The following VANGL1 variants were observed in gnomAD, a reference collection of about 807,000 sequenced individuals.
VANGL1 encodes VANGL planar cell polarity protein 1.
Under a neutral mutation model 48.4 loss-of-function variants are expected in VANGL1, and 18 were observed. That is an observed-to-expected ratio of 0.37 (90% confidence interval 0.26 to 0.55). The LOEUF (loss-of-function observed/expected upper bound fraction) is 0.55. Among genes scored for constraint, VANGL1 ranks in the 20% least tolerant of loss-of-function variants. VANGL1 has a pLI of 0.81. For missense variants in VANGL1, 667 were observed against 675.8 expected (o/e 0.99, Z 0.14); for synonymous variants, 257 against 261.8 (o/e 0.98, Z 0.18).
chr1:115,662,100 A>C (rs903048567), intron 3 of VANGL1, among the ~76,000 whole-genome samples: 2 of 152,192 alleles, frequency 1.3e-5, no homozygotes, highest in Non-Finnish European at 2.9e-5. Context: ...CGTCTGAAAT[A>C]GGAATTTCTC....
At chr1:115,662,337 C>G (rs111514015) in intron 3 of VANGL1, among the ~76,000 whole-genome samples, 2 of 152,338 alleles carry the variant, frequency 1.3e-5, no homozygotes, top group African/African-American at 4.8e-5. Flanking sequence ...ATTTCACCCC[C>G]TTTGCCACTG....
At chr1:115,656,594 G>A (rs1015587121) in intron 2 of VANGL1, among the ~76,000 whole-genome samples, 14 of 152,230 alleles carry the variant, frequency 9.2e-5, no homozygotes, top group South Asian at 2.1e-4. Flanking sequence ...TTGGGCTCTG[G>A]AGGATGAGAA....
intron 1 of VANGL1, among the ~76,000 whole-genome samples, chr1:115,643,253 ATAT>A (rs1651802292): frequency 6.6e-6 from 1 of 152,230 alleles, no homozygotes; most frequent in Non-Finnish European, 1.5e-5. Flanking sequence ...CTGCTGAAAA[ATAT>A]TATAACTTGT....
intron 4 of VANGL1, among the ~76,000 whole-genome samples, chr1:115,677,097 G>A (rs1653195578): frequency 6.6e-6 from 1 of 152,238 alleles, no homozygotes; most frequent in Admixed American, 6.5e-5. Flanking sequence ...CACAGAGCAT[G>A]GGGAGGCAGT....
At chr1:115,663,553 T>A in intron 3 of VANGL1, 108 bp from the exon 4 acceptor site, 5 of 1,483,518 alleles carry the variant, frequency 3.4e-6, no homozygotes, top group Non-Finnish European at 4.6e-6. Flanking sequence ...TCTGGAAGCC[T>A]TTGTGAATAG....
chr1:115,654,861 G>T (rs1335777098), intron 2 of VANGL1, among the ~76,000 whole-genome samples: 1 of 152,148 alleles, frequency 6.6e-6, no homozygotes, highest in Non-Finnish European at 1.5e-5. Context: ...GGAGGTCATA[G>T]CCCCATTTTA....
Position 115,682,488 on chromosome 1 carries a change from A to G in VANGL1, c.937A>G (p.Asn313Asp), listed in dbSNP as rs1423013680. ...GCATATGGCCGGGCTGAAAGTCTAC[A>G]ATGTAGATGGTATGTGCCTTGAAAG... Reference protein sequence around the residue: ...AKHMAGLKVYNVDGPSNNATG... With the variant: ...AKHMAGLKVYDVDGPSNNATG... The change falls in exon 5 of 8, where the codon AAT (asparagine) becomes GAT (aspartate). Residue 313 changes from asparagine (N) to aspartate (D), a missense_variant. Transcript: ENST00000355485. The G allele has an allele frequency of 1.2e-6, 2 of 1,614,148 alleles. No homozygotes were observed. Among genetic ancestry groups the G allele is most frequent in the Non-Finnish European group, 1.7e-6 (2 of 1,180,020 alleles).
At chr1:115,667,019 CAG>C (rs1162024394) in intron 4 of VANGL1, among the ~76,000 whole-genome samples, 1 of 152,146 alleles carries the variant, frequency 6.6e-6, no homozygotes, top group Non-Finnish European at 1.5e-5. Flanking sequence ...AGTGTAGAAA[CAG>C]ACAGGAGGGA....
chr1:115,680,335 C>T (rs1219898978), intron 4 of VANGL1, among the ~76,000 whole-genome samples: 1 of 152,192 alleles, frequency 6.6e-6, no homozygotes, highest in East Asian at 1.9e-4. Context: ...AGCATGAGAA[C>T]ATACTCACTG....
rs973484806 is a variant in VANGL1, at chr1:115,694,160, A to G, written c.*2781A>G. On this transcript the variant is annotated 3_prime_UTR_variant, in exon 8 of 8. Coordinates refer to ENST00000355485, the MANE Select transcript of VANGL1 (RefSeq NM_138959.3). ...TTCTCAGAGAGGATTTTAAAGCTAT[A>G]TAGTTCATCCATCCTTTGCATTATC... The G allele has an allele frequency of 2.0e-5, 3 of 152,248 alleles. No homozygotes were observed. Among genetic ancestry groups the G allele is most frequent in the Non-Finnish European group, 4.4e-5 (3 of 68,046 alleles). 9.4% of individuals were successfully genotyped at this position (152,248 alleles called of 1,614,324 possible). A position where few individuals can be genotyped will look rare whatever the true frequency, so the allele number is the denominator to read the frequency against.
At chr1:115,648,306 T>G (rs1652013185) in intron 1 of VANGL1, among the ~76,000 whole-genome samples, 1 of 152,098 alleles carries the variant, frequency 6.6e-6, no homozygotes, top group Non-Finnish European at 1.5e-5. Context: ...TGGCCAACTT[T>G]GAGTTGTTTC....
At chr1:115,665,621 C>A (rs1652749818) in intron 4 of VANGL1, among the ~76,000 whole-genome samples, 1 of 152,178 alleles carries the variant, frequency 6.6e-6, no homozygotes, top group Non-Finnish European at 1.5e-5. Flanking sequence ...ACGGGATGAT[C>A]TAGCGTTCAA....
chr1:115,655,504 A>T (rs1557763769), intron 2 of VANGL1, among the ~76,000 whole-genome samples: 1 of 152,304 alleles, frequency 6.6e-6, no homozygotes, highest in East Asian at 1.9e-4. Context: ...AGATATACTT[A>T]TCTTTACTCA....
chr1:115,677,919 G>C (rs1176958858), intron 4 of VANGL1, among the ~76,000 whole-genome samples: 1 of 152,214 alleles, frequency 6.6e-6, no homozygotes, highest in Admixed American at 6.5e-5. Context: ...TCTAGAGATT[G>C]GGGTTTGTAG....
chr1:115,685,228 T>G, intron 6 of VANGL1, 65 bp from the exon 7 acceptor site: 1 of 1,576,192 alleles, frequency 6.3e-7, no homozygotes, highest in Non-Finnish European at 8.7e-7. Context: ...TAGACAAGCG[T>G]CATTCTGTTC....
At chr1:115,674,245 G>A (rs755144608) in intron 4 of VANGL1, among the ~76,000 whole-genome samples, 9 of 152,062 alleles carry the variant, frequency 5.9e-5, no homozygotes, top group Non-Finnish European at 1.0e-4. Context: ...GATTCCTGGC[G>A]GAAACACCGT....
chr1:115,676,640 C>A (rs1036459553), intron 4 of VANGL1, among the ~76,000 whole-genome samples: 2 of 152,210 alleles, frequency 1.3e-5, no homozygotes, highest in African/African-American at 4.8e-5. Flanking sequence ...CAGTATTTTT[C>A]CTGGTATAAA....
Position 115,683,985 on chromosome 1 carries a change from G to C in VANGL1, c.988G>C (p.Ala330Pro), listed in dbSNP as rs753213129. ...NATGQSRAMI[A>P]AAARRRDSSH... The stretch of plus-strand genomic sequence containing the variant: ...CACTGGCCAGTCCCGGGCCATGATT[G>C]CTGCAGCTGCTCGGCGCAGGGACTC... Residue 330 changes from alanine to proline, a missense_variant, in exon 6 of 8, where the codon GCT becomes CCT. By Grantham distance (27) the Ala-to-Pro change is conservative (BLOSUM62 -1). Coordinates refer to ENST00000355485, the MANE Select transcript of VANGL1 (RefSeq NM_138959.3). 2 of 1,614,100 alleles carry C rather than the reference G, an allele frequency of 1.2e-6. No homozygotes were observed. The highest frequency in any genetic ancestry group is 1.7e-6 in the Non-Finnish European group (2 of 1,180,002).
chr1:115,682,167 T>C lies in VANGL1; in HGVS notation c.813-197T>C, dbSNP rs10923174. Among the ~76,000 whole-genome samples the C allele has an allele frequency of 0.67, 100,752 of 151,460 alleles. 33,671 individuals carry two copies. Among genetic ancestry groups the C allele is most frequent in the South Asian group, 0.75 (3,600 of 4,798 alleles). ...ACAGGTCCAGGAGAGGGCACAGAAG[T>C]CACCTGGCCATGGGGCTTAGTTTCA... On this transcript the variant is annotated intron_variant, in intron 4 of 7. Coordinates refer to ENST00000355485, the MANE Select transcript of VANGL1 (RefSeq NM_138959.3).
Sources: allele counts gnomAD v4.1 joint callset (sites outside exome capture counted in the v4.1 genomes callset), GRCh38; gene constraint gnomAD v4.1.1; transcripts MANE v1.5; gene names NCBI Gene and HGNC (gene_info 2026-07-23, HGNC 2026-07-21).